NRG1: variants seen among roughly 807,000 people sequenced by gnomAD.
NRG1 encodes pro-neuregulin-1, membrane-bound isoform.
Under a neutral mutation model 63.8 loss-of-function variants are expected in NRG1, and 18 were observed. The observed-to-expected ratio is 0.28, with a 90% CI of 0.19 to 0.42. NRG1 has a LOEUF of 0.42. NRG1 is among the 10% of genes least tolerant of loss of function. The pLI, the probability that NRG1 is intolerant of heterozygous loss-of-function variation, is 1.00. For synonymous variants in NRG1, 302 were observed against 301.3 expected (o/e 1.00, Z -0.02); for missense variants, 762 against 814.7 (o/e 0.94, Z 0.79).
chr8:31,820,531 C>T (rs1823905288), intron 1 of NRG1, among the ~76,000 whole-genome samples: 1 of 152,132 alleles, frequency 6.6e-6, no homozygotes, highest in South Asian at 2.1e-4. Context: ...GTACTCTTTG[C>T]TAAGAAACCC....
chr8:31,763,767 G>A (rs529557114), intron 1 of NRG1, among the ~76,000 whole-genome samples: 105 of 152,218 alleles, frequency 6.9e-4, no homozygotes, highest in Middle Eastern at 3.4e-3. Flanking sequence ...TGGCTAACAC[G>A]GTGAAACCCC....
intron 1 of NRG1, among the ~76,000 whole-genome samples, chr8:32,015,957 C>T (rs1056992373): frequency 2.6e-5 from 4 of 151,886 alleles, no homozygotes; most frequent in African/African-American, 9.7e-5. Flanking sequence ...AAAAACAATG[C>T]TTCACTGACA....
chr8:31,686,117 TTTTA>T (rs1808865102), intron 1 of NRG1, among the ~76,000 whole-genome samples: 3 of 152,184 alleles, frequency 2.0e-5, no homozygotes, highest in African/African-American at 7.2e-5. Flanking sequence ...AAAATTGCGA[TTTTA>T]TTTAAAACTA....
chr8:31,978,220 C>A (rs79719159), intron 1 of NRG1, among the ~76,000 whole-genome samples: 1,641 of 152,114 alleles, frequency 0.011, 29 homozygotes, highest in African/African-American at 0.037. Context: ...TAGAAGGAAA[C>A]CCTTGTTAAC....
intron 11 of NRG1, chr8:32,763,153 A>T: frequency 2.6e-6 from 4 of 1,520,658 alleles, no homozygotes; most frequent in Non-Finnish European, 3.6e-6. Context: ...AATGAAAAGC[A>T]CACAAATGTA....
rs183294812 is a variant in NRG1, at chr8:32,115,074, A to G, written c.37+475643A>G. Among the ~76,000 whole-genome samples, 94 of 151,864 alleles carry G rather than the reference A, an allele frequency of 6.2e-4. No individual in the cohort carries two copies. The East Asian group carries it at 0.018, about 29-fold the overall frequency. On this transcript the variant is annotated intron_variant, in intron 1 of 10. Transcript: ENST00000519301. ...CAGATGGAGTCTTGCTCTGTTGCCC[A>G]GGCTGGAGTGCAGTGGCATGATCTT...
At chr8:32,220,747 C>A (rs1202012507) in intron 1 of NRG1, among the ~76,000 whole-genome samples, 2 of 152,194 alleles carry the variant, frequency 1.3e-5, no homozygotes, top group Non-Finnish European at 2.9e-5. Flanking sequence ...ACGCCCCTCC[C>A]GGAGCTCCTC....
At chr8:32,300,386 T>G (rs564799375) in intron 1 of NRG1, among the ~76,000 whole-genome samples, 7 of 152,206 alleles carry the variant, frequency 4.6e-5, no homozygotes, top group Non-Finnish European at 7.3e-5. Flanking sequence ...AGGATTAATT[T>G]TGGTTTTCTA....
chr8:32,006,577 A>T (rs1813810262), intron 1 of NRG1, among the ~76,000 whole-genome samples: 1 of 152,014 alleles, frequency 6.6e-6, no homozygotes, highest in African/African-American at 2.4e-5. Flanking sequence ...AGTCAGAGGA[A>T]TTCAAAGTGT....
chr8:32,570,626 C>G (rs1039144466), intron 1 of NRG1, among the ~76,000 whole-genome samples: 2 of 152,054 alleles, frequency 1.3e-5, no homozygotes, highest in African/African-American at 4.8e-5. Flanking sequence ...GAATAAAAAT[C>G]AGAATATTTT....
At chr8:32,734,896 C>A (rs974319117) in intron 6 of NRG1, among the ~76,000 whole-genome samples, 7 of 152,314 alleles carry the variant, frequency 4.6e-5, no homozygotes, top group African/African-American at 1.7e-4. Context: ...GCTCTGTGCT[C>A]ATGCTACAGA....
At chr8:32,515,806 G>C (rs1181423753) in intron 1 of NRG1, among the ~76,000 whole-genome samples, 3 of 152,090 alleles carry the variant, frequency 2.0e-5, no homozygotes, top group Non-Finnish European at 4.4e-5. Context: ...ATAGAATCTT[G>C]ATATTAGACC....
At chr8:32,352,916 G>T (rs62497645) in intron 1 of NRG1, among the ~76,000 whole-genome samples, 14,328 of 71,362 alleles carry the variant, frequency 0.2, 747 homozygotes, top group Non-Finnish European at 0.28. Flanking sequence ...TATATATATA[G>T]AGAGAGAGAG....
At chr8:31,906,099 C>T (rs1193211836) in intron 1 of NRG1, among the ~76,000 whole-genome samples, 1 of 152,210 alleles carries the variant, frequency 6.6e-6, no homozygotes, top group Non-Finnish European at 1.5e-5. Context: ...ACAACAGCTT[C>T]ATGGAATGAC....
chr8:31,945,369 TA>T (rs1250494923), intron 1 of NRG1, among the ~76,000 whole-genome samples: 10 of 152,336 alleles, frequency 6.6e-5, no homozygotes. Flanking sequence ...AAGTCATCCA[TA>T]CTTTGCTCTT....
chr8:31,729,076 A>G (rs181802836), intron 1 of NRG1, among the ~76,000 whole-genome samples: 44 of 152,270 alleles, frequency 2.9e-4, no homozygotes, highest in African/African-American at 1.0e-3. Context: ...TTATTTTTGT[A>G]TATATACTTA....
intron 1 of NRG1, among the ~76,000 whole-genome samples, chr8:31,990,589 C>A (rs1810894982): frequency 6.6e-6 from 1 of 152,020 alleles, no homozygotes; most frequent in Non-Finnish European, 1.5e-5. Flanking sequence ...AAATAAGATT[C>A]TTTGTTTGTT....
At chr8:32,152,707 C>T (rs1837634675) in intron 1 of NRG1, among the ~76,000 whole-genome samples, 1 of 152,094 alleles carries the variant, frequency 6.6e-6, no homozygotes, top group Non-Finnish European at 1.5e-5. Flanking sequence ...AGAGTGACTG[C>T]TGAACTGGTT....
intron 1 of NRG1, among the ~76,000 whole-genome samples, chr8:31,841,378 G>A (rs916313581): frequency 6.6e-6 from 1 of 151,980 alleles, no homozygotes. Flanking sequence ...GTCATGGGGG[G>A]TCTTACACAA....
Sources: gnomAD v4.1 joint callset for allele counts (sites outside exome capture counted in the v4.1 genomes callset) on GRCh38, gnomAD v4.1.1 for gene constraint, MANE v1.5 for transcripts, NCBI Gene and HGNC (gene_info 2026-07-23, HGNC 2026-07-21) for gene names.